ARHGAP11B: variants seen among roughly 807,000 people sequenced by gnomAD.
ARHGAP11B encodes the protein inactive Rho GTPase-activating protein 11B.
A neutral mutation model predicts 27.6 loss-of-function variants in ARHGAP11B; 14 were observed. The ratio of observed to expected loss-of-function variants is 0.51; its 90% CI spans 0.34 to 0.79. The LOEUF is 0.79. ARHGAP11B is among the 30% of genes least tolerant of loss of function. ARHGAP11B has a pLI of 0.02. For missense variants in ARHGAP11B, 245 were observed against 320.1 expected, an observed-to-expected ratio of 0.77 and a Z score of 1.79; for synonymous variants, 82 against 114.1, an observed-to-expected ratio of 0.72 and a Z score of 1.80.
chr15:30,646,991 T>G (rs1391223884), intron 9 of ARHGAP11B, among the ~76,000 whole-genome samples: 1 of 151,704 alleles, frequency 6.6e-6, no homozygotes, highest in Non-Finnish European at 1.5e-5. Flanking sequence ...AAACAAAACG[T>G]GATATCATAA....
At chr15:30,630,741 T>C (rs890421822) in exon 2 of ARHGAP11B, 2 of 1,611,964 alleles carry the variant, frequency 1.2e-6, no homozygotes, top group Non-Finnish European at 1.7e-6. Context: ...CACTGCCCCA[T>C]TCTGCTGTAC....
At chr15:30,627,271 T>C (rs2060215590) in intron 1 of ARHGAP11B, among the ~76,000 whole-genome samples, 1 of 151,982 alleles carries the variant, frequency 6.6e-6, no homozygotes, top group African/African-American at 2.4e-5. Flanking sequence ...TGTCTGTCTT[T>C]TACCCACTAG....
Position 30,635,018 on chromosome 15 carries a change from T to A in ARHGAP11B, c.552-62T>A, listed in dbSNP as rs1034724080. On this transcript the variant is annotated intron_variant, in intron 4 of 10. Transcript: ENST00000428041. Reference sequence around the variant, plus strand: ...AGTCTTCAAAATGTACTACATACGTTATTTTAACTCTTCTGTATTTTCACG... The same window carrying A: ...AGTCTTCAAAATGTACTACATACGTAATTTTAACTCTTCTGTATTTTCACG... 1.5e-5 allele frequency: 23 copies of A among 1,545,838 alleles called. No individual in the cohort carries two copies. In the East Asian group the frequency reaches 5.2e-4, roughly 35 times the overall value.
At chr15:30,626,659 A>G in exon 1 of ARHGAP11B, 1 of 973,638 alleles carries the variant, frequency 1.0e-6, no homozygotes, top group Non-Finnish European at 1.5e-6. Flanking sequence ...GATCAAGGAA[A>G]AGCCGTGGAA....
intron 9 of ARHGAP11B, among the ~76,000 whole-genome samples, chr15:30,647,080 T>C (rs568797649): frequency 6.6e-6 from 1 of 152,080 alleles, no homozygotes; most frequent in South Asian, 2.1e-4. Context: ...CTTTACTGGG[T>C]CATCTGGTAA....
chr15:30,626,621 C>G lies in ARHGAP11B; in HGVS notation c.-200C>G. On this transcript the variant is annotated 5_prime_UTR_variant, in exon 1 of 11. Transcript: ENST00000428041. ...GGCTGGATCAAAGGGCTAAGAGAAG[C>G]GGGTCTGTGTAAGTGGATGTGAGTG... is the stretch of plus-strand genomic sequence containing the variant. The G allele has an allele frequency of 4.5e-6, 3 of 662,838 alleles. 1 individual carries two copies. Among genetic ancestry groups the G allele is most frequent in the Non-Finnish European group, 7.5e-6 (3 of 402,016 alleles). 41.1% of individuals were successfully genotyped at this position (662,838 alleles called of 1,614,324 possible).
At position 30,629,614 on chromosome 15, in the gene ARHGAP11B, T is replaced by C. The variant is rs1002776514; in HGVS notation, c.130-1089T>C. On this transcript the variant is annotated intron_variant, in intron 1 of 10. Transcript: ENST00000428041. Reference sequence around the variant, plus strand: ...CTACTCTCTTAAGCCCTTACCATACTATACTGTCTTTTCAGCTTACAATAT... The same window carrying C: ...CTACTCTCTTAAGCCCTTACCATACCATACTGTCTTTTCAGCTTACAATAT... Among the ~76,000 whole-genome samples, 3 of 152,224 alleles carry C rather than the reference T, an allele frequency of 2.0e-5. No homozygotes were observed. In the South Asian group the frequency reaches 6.2e-4, roughly 32 times the overall value.
At chr15:30,633,497 G>A in exon 3 of ARHGAP11B, 3 of 1,609,666 alleles carry the variant, frequency 1.9e-6, no homozygotes, top group Non-Finnish European at 2.5e-6. Flanking sequence ...CAGCTTTCTT[G>A]TCGATGCTTG....
chr15:30,634,755 C>T lies in ARHGAP11B; in HGVS notation c.552-325C>T, dbSNP rs927346126. On this transcript the variant is annotated intron_variant, in intron 4 of 10. Transcript: ENST00000428041. ...CCTCTCCCTGCTGTCAGTGAGCCTG[C>T]TTATTCTAGACATACTTGCTGCCTT... is the stretch of plus-strand genomic sequence containing the variant. Among the ~76,000 whole-genome samples, 8 of 151,130 alleles carry T rather than the reference C, an allele frequency of 5.3e-5. No homozygotes were observed. In the Admixed American group the frequency reaches 5.3e-4, roughly 10 times the overall value.
At chr15:30,628,824 T>G (rs967821186) in intron 1 of ARHGAP11B, among the ~76,000 whole-genome samples, 1 of 152,082 alleles carries the variant, frequency 6.6e-6, no homozygotes, top group African/African-American at 2.4e-5. Flanking sequence ...TTAAAAACAT[T>G]TTATGAGATT....
At chr15:30,647,971 TA>T (rs1002409630) in intron 10 of ARHGAP11B, among the ~76,000 whole-genome samples, 1 of 152,046 alleles carries the variant, frequency 6.6e-6, no homozygotes, top group African/African-American at 2.4e-5. Context: ...CTTGTTTTTT[TA>T]TTTTCATAGA....
chr15:30,630,389 GT>G (rs983688624), intron 1 of ARHGAP11B, among the ~76,000 whole-genome samples: 13 of 151,302 alleles, frequency 8.6e-5, no homozygotes, highest in African/African-American at 3.2e-4. Context: ...ACCAAATTCT[GT>G]TTTAAGAATT....
chr15:30,636,978 T>A (rs1438254145), intron 6 of ARHGAP11B, among the ~76,000 whole-genome samples: 2 of 151,972 alleles, frequency 1.3e-5, no homozygotes, highest in African/African-American at 4.8e-5. Flanking sequence ...GGTTAGGACT[T>A]AAACATAGGT....
rs555791434 is a variant in ARHGAP11B, at chr15:30,636,750, TC to T, written c.*3+1119del. On this transcript the variant is annotated intron_variant, in intron 6 of 10. Coordinates refer to ENST00000428041, the Ensembl canonical transcript of ARHGAP11B. ...CAGGGGAGAATCCTTTCTTGCCTCT[TC>T]CTGGCTCCTGGTAGTGGCTGTCAGT... 2.7e-3 allele frequency among the ~76,000 whole-genome samples: 415 copies of T among 152,238 alleles called. 6 individuals carry two copies. The highest frequency in any genetic ancestry group is 4.6e-3 in the Non-Finnish European group (315 of 67,990).
exon 3 of ARHGAP11B, chr15:30,633,556 A>C (rs1333720523): frequency 2.5e-6 from 4 of 1,613,182 alleles, no homozygotes; most frequent in Non-Finnish European, 2.5e-6. Context: ...TTCGGAAATC[A>C]GGATCTGTGA....
At position 30,628,930 on chromosome 15, in the gene ARHGAP11B, C is replaced by A. The variant is rs561617452; in HGVS notation, c.130-1773C>A. ...TCTAGTTATATATAACAGAAGTAGA[C>A]TTACCAGCCTAAGTATCTGGTTTAT... On this transcript the variant is annotated intron_variant, in intron 1 of 10. Coordinates refer to ENST00000428041, the Ensembl canonical transcript of ARHGAP11B. Among the ~76,000 whole-genome samples, 6 of 152,134 alleles carry A rather than the reference C, an allele frequency of 3.9e-5. No homozygotes were observed. The East Asian group carries it at 1.2e-3, about 30-fold the overall frequency.
At chr15:30,628,679 G>A (rs372584236) in intron 1 of ARHGAP11B, among the ~76,000 whole-genome samples, 4 of 152,020 alleles carry the variant, frequency 2.6e-5, no homozygotes, top group African/African-American at 9.7e-5. Flanking sequence ...TATAAATTCA[G>A]CTAGAAACAC....
chr15:30,629,702 G>A (rs919693460), intron 1 of ARHGAP11B, among the ~76,000 whole-genome samples: 3 of 152,176 alleles, frequency 2.0e-5, no homozygotes, highest in East Asian at 1.9e-4. Flanking sequence ...ACTGTGTTGC[G>A]TCATTGACAA....
chr15:30,637,818 T>C (rs1177811741), intron 6 of ARHGAP11B, among the ~76,000 whole-genome samples: 1 of 41,986 alleles, frequency 2.4e-5, no homozygotes, highest in Non-Finnish European at 6.0e-5. Context: ...AAGGCTCACT[T>C]TTTTTTTTTT....
Sources: allele counts gnomAD v4.1 joint callset (sites outside exome capture counted in the v4.1 genomes callset), GRCh38; gene constraint gnomAD v4.1.1; transcripts MANE v1.5; gene names NCBI Gene and HGNC (gene_info 2026-07-23, HGNC 2026-07-21).